SORCS2: variants seen among roughly 807,000 people sequenced by gnomAD.
The protein encoded by SORCS2 is VPS10 domain-containing receptor SorCS2.
In SORCS2, 100 loss-of-function variants were observed where a neutral mutation model predicts 141.6. The observed-to-expected ratio is 0.71, with a 90% confidence interval of 0.60 to 0.83. The LOEUF is 0.83. SORCS2 is among the 40% of genes least tolerant of loss of function. SORCS2 has a pLI of 0.00. For synonymous variants in SORCS2, 789 were observed against 676.9 expected (o/e 1.17, Z -2.57); for missense variants, 1,646 against 1,560.2 (o/e 1.05, Z -0.93).
chr4:7,500,412 GGGCTTCCCT>G (rs1232548799), intron 2 of SORCS2, among the ~76,000 whole-genome samples: 1 of 152,140 alleles, frequency 6.6e-6, no homozygotes, highest in African/African-American at 2.4e-5. Context: ...CCTGGAATGG[GGGCTTCCCT>G]CCTCTGTCCT....
At chr4:7,515,947 G>A (rs1296673314) in intron 2 of SORCS2, among the ~76,000 whole-genome samples, 2 of 152,154 alleles carry the variant, frequency 1.3e-5, no homozygotes, top group Non-Finnish European at 2.9e-5. Context: ...TCATGGGAGG[G>A]GTCCAATGGA....
intron 3 of SORCS2, among the ~76,000 whole-genome samples, chr4:7,553,375 G>A (rs1466475318): frequency 6.6e-6 from 1 of 152,094 alleles, no homozygotes; most frequent in East Asian, 1.9e-4. Flanking sequence ...GATAAAAATG[G>A]GCCATTACAA....
intron 2 of SORCS2, among the ~76,000 whole-genome samples, chr4:7,512,026 G>T (rs190943591): frequency 1.3e-5 from 2 of 152,188 alleles, no homozygotes; most frequent in Admixed American, 6.5e-5. Context: ...CTGTTCCTGC[G>T]CAATACACAG....
At chr4:7,739,798 CCT>C (rs751462569) in intron 26 of SORCS2, among the ~76,000 whole-genome samples, 2 of 152,188 alleles carry the variant, frequency 1.3e-5, no homozygotes, top group East Asian at 3.9e-4. Flanking sequence ...CCTATGCCCC[CCT>C]CTCTCCCACT....
chr4:7,395,855 C>T (rs1040997870), intron 1 of SORCS2, among the ~76,000 whole-genome samples: 2 of 152,188 alleles, frequency 1.3e-5, no homozygotes, highest in African/African-American at 4.8e-5. Flanking sequence ...CAGCTGTTTC[C>T]AGCAGGCTTA....
chr4:7,240,556 T>G (rs1341848671), intron 1 of SORCS2, among the ~76,000 whole-genome samples: 2 of 152,202 alleles, frequency 1.3e-5, no homozygotes, highest in East Asian at 3.9e-4. Context: ...AACTGCGCAA[T>G]GCTGGGAAAG....
chr4:7,562,908 C>G (rs1198798850), intron 3 of SORCS2, among the ~76,000 whole-genome samples: 3 of 152,190 alleles, frequency 2.0e-5, no homozygotes, highest in Non-Finnish European at 4.4e-5. Context: ...AGGGTCTAGC[C>G]TATTCCAGGA....
At chr4:7,295,579 G>T (rs1396631262) in intron 1 of SORCS2, among the ~76,000 whole-genome samples, 2 of 152,194 alleles carry the variant, frequency 1.3e-5, no homozygotes, top group Non-Finnish European at 2.9e-5. Flanking sequence ...AAGCGCTGGT[G>T]GGGGCTGGAC....
At chr4:7,728,713 C>T (rs1380433610) in intron 22 of SORCS2, among the ~76,000 whole-genome samples, 8 of 152,370 alleles carry the variant, frequency 5.3e-5, no homozygotes, top group South Asian at 2.1e-4. Context: ...CCTCCATGCA[C>T]ACAGTCCAGG....
At chr4:7,723,058 C>A (rs1043720174) in intron 18 of SORCS2, among the ~76,000 whole-genome samples, 1 of 152,004 alleles carries the variant, frequency 6.6e-6, no homozygotes, top group Non-Finnish European at 1.5e-5. Context: ...GAGGGAAATG[C>A]GGTTATTGGA....
intron 1 of SORCS2, among the ~76,000 whole-genome samples, chr4:7,308,845 C>T (rs1284767914): frequency 6.6e-6 from 1 of 152,186 alleles, no homozygotes; most frequent in East Asian, 1.9e-4. Context: ...TTCCTTGTGC[C>T]TCCCCAGGAT....
intron 4 of SORCS2, among the ~76,000 whole-genome samples, chr4:7,642,378 C>T (rs78369008): frequency 0.042 from 6,412 of 152,300 alleles, 469 homozygotes; most frequent in African/African-American, 0.14. Flanking sequence ...CAATTGCTCT[C>T]TAATTTATGG....
intron 4 of SORCS2, among the ~76,000 whole-genome samples, chr4:7,650,679 C>CA (rs1165911684): frequency 1.3e-5 from 2 of 151,852 alleles, no homozygotes; most frequent in Admixed American, 6.6e-5. Context: ...GCCAGCTCCG[C>CA]AGACCCGGGT....
rs1176179161 is a variant in SORCS2 at position 7,638,444 on chromosome 4, C to G, written c.765C>G (p.Phe255Leu). The G allele has an allele frequency of 9.9e-6, 16 of 1,608,988 alleles. No homozygotes were observed. The highest frequency in any genetic ancestry group is 1.3e-5 in the Non-Finnish European group (15 of 1,178,110). Residue 255 changes from phenylalanine to leucine, a missense_variant, in exon 4 of 27, where the codon TTC becomes TTG. Transcript: ENST00000507866. Reference sequence around the variant, plus strand: ...CCTTCTTCGTGGAAACTCTGATTTTCCACCCTAAGGAGGAGGACAAGGTCC... The same window carrying G: ...CCTTCTTCGTGGAAACTCTGATTTTGCACCCTAAGGAGGAGGACAAGGTCC... ...PIPFFVETLI[F>L]HPKEEDKVLA...
intron 1 of SORCS2, among the ~76,000 whole-genome samples, chr4:7,230,439 C>T (rs372822450): frequency 3.3e-5 from 4 of 122,494 alleles, no homozygotes; most frequent in Non-Finnish European, 3.3e-5. Flanking sequence ...TTTGCTCATG[C>T]ATGAAGGAGA....
At chr4:7,274,459 G>T (rs377016574) in intron 1 of SORCS2, among the ~76,000 whole-genome samples, 2 of 152,188 alleles carry the variant, frequency 1.3e-5, no homozygotes, top group African/African-American at 4.8e-5. Context: ...TTCTGGGGAG[G>T]CCTCAGGAAA....
intron 1 of SORCS2, among the ~76,000 whole-genome samples, chr4:7,251,442 C>G (rs1713503203): frequency 6.6e-6 from 1 of 152,212 alleles, no homozygotes; most frequent in Non-Finnish European, 1.5e-5. Context: ...GTTAGAACAT[C>G]TCACATTGTA....
chr4:7,595,960 G>A (rs1577811066), intron 3 of SORCS2, among the ~76,000 whole-genome samples: 1 of 152,272 alleles, frequency 6.6e-6, no homozygotes, highest in East Asian at 1.9e-4. Flanking sequence ...ATGCCTGACA[G>A]CTGCTCTTTC....
At chr4:7,487,036 G>A (rs114301373) in intron 2 of SORCS2, among the ~76,000 whole-genome samples, 3,624 of 152,262 alleles carry the variant, frequency 0.024, 140 homozygotes, top group African/African-American at 0.082. Context: ...GCCTGTCTAC[G>A]GGGTGTTCCC....
Sources: gnomAD v4.1 joint callset for allele counts (sites outside exome capture counted in the v4.1 genomes callset) on GRCh38, gnomAD v4.1.1 for gene constraint, MANE v1.5 for transcripts, NCBI Gene and HGNC (gene_info 2026-07-23, HGNC 2026-07-21) for gene names.